The following SLC24A2 variants were observed in gnomAD, a reference collection of about 807,000 sequenced individuals.
SLC24A2 encodes sodium/potassium/calcium exchanger 2.
Under a neutral mutation model 62.0 loss-of-function variants are expected in SLC24A2, and 36 were observed. The observed-to-expected ratio is 0.58, with a 90% confidence interval of 0.44 to 0.77. SLC24A2 has a LOEUF of 0.77. SLC24A2 is among the 30% of genes least tolerant of loss of function. The pLI is 0.00. For synonymous variants in SLC24A2, 358 were observed against 294.0 expected (o/e 1.22, Z -2.23); for missense variants, 846 against 817.9 (o/e 1.03, Z -0.42).
the SLC24A2 span, among the ~76,000 whole-genome samples, chr9:20,282,933 ATTTC>A: frequency 5.3e-5 from 8 of 152,292 alleles, no homozygotes; most frequent in Admixed American, 1.3e-4. Flanking sequence ...ACCTCTGATT[ATTTC>A]TTTATGATAA....
chr9:19,774,926 A>T (rs1252687574), intron 2 of SLC24A2, among the ~76,000 whole-genome samples: 1 of 152,198 alleles, frequency 6.6e-6, no homozygotes, highest in Non-Finnish European at 1.5e-5. Flanking sequence ...TTTCTTTCCC[A>T]TTAACAGAGA....
intron 5 of SLC24A2, among the ~76,000 whole-genome samples, chr9:19,596,279 T>G (rs1245635392): frequency 6.6e-6 from 1 of 152,234 alleles, no homozygotes; most frequent in Admixed American, 6.5e-5. Context: ...AGTTTCTCTC[T>G]CATGCTGAAG....
the SLC24A2 span, among the ~76,000 whole-genome samples, chr9:19,998,364 T>C: frequency 6.6e-6 from 1 of 152,190 alleles, no homozygotes; most frequent in Non-Finnish European, 1.5e-5. Flanking sequence ...CAGTACTTCC[T>C]GAAGCCTGTC....
At chr9:19,998,653 C>A in the SLC24A2 span, among the ~76,000 whole-genome samples, 1 of 152,224 alleles carries the variant, frequency 6.6e-6, no homozygotes, top group African/African-American at 2.4e-5. Flanking sequence ...CATGGGTGTG[C>A]TTTCAGCATC....
chr9:19,626,286 G>A (rs1429508317), intron 2 of SLC24A2, among the ~76,000 whole-genome samples: 2 of 152,188 alleles, frequency 1.3e-5, no homozygotes, highest in Non-Finnish European at 2.9e-5. Context: ...CAGTCCAGCT[G>A]CCTCAGGGCC....
chr9:19,952,706 G>C, the SLC24A2 span, among the ~76,000 whole-genome samples: 1 of 145,986 alleles, frequency 6.8e-6, no homozygotes, highest in Non-Finnish European at 1.5e-5. Context: ...ATCGTCTGTA[G>C]TTTTCTTGTG....
the SLC24A2 span, among the ~76,000 whole-genome samples, chr9:20,125,915 G>A: frequency 6.6e-6 from 1 of 152,142 alleles, no homozygotes; most frequent in African/African-American, 2.4e-5. Context: ...ATACAGAATT[G>A]CTCTCCACAC....
chr9:19,804,592 TAG>T, the SLC24A2 span, among the ~76,000 whole-genome samples: 1 of 152,100 alleles, frequency 6.6e-6, no homozygotes, highest in South Asian at 2.1e-4. Context: ...CATTTGCAAA[TAG>T]AGAGTTTAAT....
chr9:19,844,621 G>A, the SLC24A2 span, among the ~76,000 whole-genome samples: 1 of 151,872 alleles, frequency 6.6e-6, no homozygotes, highest in Non-Finnish European at 1.5e-5. Context: ...GTGTTTCTTA[G>A]GTTTTCTTCT....
the SLC24A2 span, among the ~76,000 whole-genome samples, chr9:20,111,632 C>T: frequency 5.3e-5 from 8 of 152,092 alleles, no homozygotes. Flanking sequence ...TCCTGGGCCC[C>T]TCCTAGACCT....
rs1823175521 is a variant in SLC24A2 at position 19,786,479 on chromosome 9, TCTC to T, written c.385_387del (p.Glu129del). 1 of 1,614,176 alleles carries T rather than the reference TCTC, an allele frequency of 6.2e-7. No homozygotes were observed. The highest frequency in any genetic ancestry group is 8.5e-7 in the Non-Finnish European group (1 of 1,180,040). On this transcript the variant is annotated inframe_deletion, in exon 2 of 11. Transcript: ENST00000341998. The surrounding 1 kb of genome is among the most constrained non-coding windows in gnomAD (Gnocchi z 5.0). ...TGCAGAATGATCGCACCTTTTCTTC[TCTC>T]CTCAAGGGAAAAGATGTCTTTCGGG...
At chr9:20,207,316 C>T in the SLC24A2 span, among the ~76,000 whole-genome samples, 3 of 152,116 alleles carry the variant, frequency 2.0e-5, no homozygotes, top group African/African-American at 7.2e-5. Flanking sequence ...TATGGCTTAC[C>T]CCTGTAGCCT....
the SLC24A2 span, among the ~76,000 whole-genome samples, chr9:20,292,528 T>C: frequency 0.15 from 22,922 of 152,238 alleles, 2,227 homozygotes; most frequent in East Asian, 0.28. Flanking sequence ...TGTATTGACG[T>C]GCTGGGGCTG....
the SLC24A2 span, among the ~76,000 whole-genome samples, chr9:20,027,014 A>G: frequency 6.6e-6 from 1 of 152,228 alleles, no homozygotes; most frequent in Non-Finnish European, 1.5e-5. Context: ...ATATCTGAAT[A>G]CAAATTTCTC....
the SLC24A2 span, among the ~76,000 whole-genome samples, chr9:20,162,064 A>C: frequency 9.0e-4 from 137 of 151,866 alleles, 2 homozygotes; most frequent in African/African-American, 2.9e-3. Flanking sequence ...ATAATTCAGC[A>C]AGATAGCAAG....
chr9:20,063,019 T>C, the SLC24A2 span, among the ~76,000 whole-genome samples: 2 of 118,056 alleles, frequency 1.7e-5, 1 homozygote, highest in Non-Finnish European at 3.3e-5. Flanking sequence ...TATGGAGAAA[T>C]AGGAACACTT....
At chr9:19,721,738 T>C (rs1264268799) in intron 2 of SLC24A2, among the ~76,000 whole-genome samples, 1 of 152,166 alleles carries the variant, frequency 6.6e-6, no homozygotes, top group Non-Finnish European at 1.5e-5. Flanking sequence ...CCTAAATTAA[T>C]CATTCCAACA....
the SLC24A2 span, among the ~76,000 whole-genome samples, chr9:20,069,887 G>A: frequency 6.6e-6 from 1 of 152,032 alleles, no homozygotes; most frequent in Non-Finnish European, 1.5e-5. Flanking sequence ...ATTCACCACT[G>A]TATTTCCACC....
chr9:20,281,581 ATTCTT>A, the SLC24A2 span, among the ~76,000 whole-genome samples: 1 of 152,200 alleles, frequency 6.6e-6, no homozygotes, highest in Non-Finnish European at 1.5e-5. Flanking sequence ...TACAGTATAT[ATTCTT>A]TTATGTGTGT....
Sources: allele counts gnomAD v4.1 joint callset (sites outside exome capture counted in the v4.1 genomes callset), GRCh38; gene constraint gnomAD v4.1.1; non-coding constraint Gnocchi (gnomAD v3.1); transcripts MANE v1.5; gene names NCBI Gene and HGNC (gene_info 2026-07-23, HGNC 2026-07-21).